Variants in SESTD1 observed in about 807,000 individuals in gnomAD.
SESTD1 encodes SEC14 and spectrin domain containing 1.
Under a neutral mutation model 101.7 loss-of-function variants are expected in SESTD1, and 43 were observed. That is an observed-to-expected ratio of 0.42 (90% confidence interval 0.33 to 0.55). The LOEUF is 0.55. Among genes scored for constraint, SESTD1 ranks in the 20% least tolerant of loss-of-function variants. The pLI is 0.07. For missense variants in SESTD1, 647 were observed against 815.1 expected, an observed-to-expected ratio of 0.79 and a Z score of 2.51; for synonymous variants, 283 against 286.8, an observed-to-expected ratio of 0.99 and a Z score of 0.13.
intron 10 of SESTD1, among the ~76,000 whole-genome samples, chr2:179,129,509 G>T (rs143231406): frequency 7.2e-5 from 11 of 151,800 alleles, no homozygotes; most frequent in Non-Finnish European, 1.6e-4. Context: ...ACAAATTTGG[G>T]GTTTTTAGCT....
At chr2:179,150,826 GA>G (rs11351362) in intron 6 of SESTD1, among the ~76,000 whole-genome samples, 19,018 of 145,212 alleles carry the variant, frequency 0.13, 2,109 homozygotes, top group African/African-American at 0.3. Context: ...TCAAAAAAAA[GA>G]AAAAAAAAAA....
At chr2:179,150,826 GAA>G (rs11351362) in intron 6 of SESTD1, among the ~76,000 whole-genome samples, 28 of 145,214 alleles carry the variant, frequency 1.9e-4, no homozygotes, top group Admixed American at 6.2e-4. Context: ...TCAAAAAAAA[GAA>G]AAAAAAAAAT....
chr2:179,147,699 C>A (rs1258918208), intron 7 of SESTD1, among the ~76,000 whole-genome samples: 1 of 152,176 alleles, frequency 6.6e-6, no homozygotes, highest in South Asian at 2.1e-4. Flanking sequence ...AAATAGGTTT[C>A]TTTGCTGCAC....
In SESTD1 at chr2:179,174,225, T is replaced by C. The variant is rs986595306; in HGVS notation, c.256-1992A>G. Reference sequence around the variant, plus strand: ...GCACTGTGGGGTCCCAAACAGCTGGTCCCAGTACCTTCGGAGATGAAAGCA... The same window carrying C: ...GCACTGTGGGGTCCCAAACAGCTGGCCCCAGTACCTTCGGAGATGAAAGCA... On this transcript the variant is annotated intron_variant, in intron 4 of 17. Transcript: ENST00000428443. 3.3e-5 allele frequency among the ~76,000 whole-genome samples: 5 copies of C among 152,178 alleles called. No homozygotes were observed. The South Asian group carries it at 8.3e-4, about 25-fold the overall frequency.
chr2:179,214,199 A>C (rs2046687804), intron 1 of SESTD1, among the ~76,000 whole-genome samples: 3 of 134,824 alleles, frequency 2.2e-5, no homozygotes, highest in Admixed American at 2.2e-4. Flanking sequence ...TTGGATAAAG[A>C]GTCAAGACCC....
intron 16 of SESTD1, 76 bp from the exon 17 acceptor site, chr2:179,112,921 C>A: frequency 1.8e-5 from 25 of 1,403,282 alleles, no homozygotes; most frequent in South Asian, 4.6e-5. Flanking sequence ...CCCCACCCCA[C>A]AAAAAAAAAG....
intron 13 of SESTD1, 100 bp downstream of exon 13, chr2:179,121,670 C>T: frequency 1.0e-6 from 1 of 998,958 alleles, no homozygotes; most frequent in Non-Finnish European, 1.4e-6. Context: ...TTCTATATAA[C>T]AGTTAAGAAC....
At chr2:179,177,231 G>T (rs756200733) in intron 3 of SESTD1, among the ~76,000 whole-genome samples, 2 of 152,084 alleles carry the variant, frequency 1.3e-5, no homozygotes, top group African/African-American at 4.8e-5. Context: ...CTAGTAAAAC[G>T]CAACAACTTC....
intron 12 of SESTD1, among the ~76,000 whole-genome samples, 184 bp downstream of exon 12, chr2:179,123,531 G>GA (rs1461137601): frequency 1.3e-5 from 2 of 151,950 alleles, no homozygotes; most frequent in Non-Finnish European, 2.9e-5. Flanking sequence ...AACTAACGAT[G>GA]AAAAATAAAA....
chr2:179,130,761 A>G (rs2044993681), intron 10 of SESTD1, among the ~76,000 whole-genome samples: 1 of 152,096 alleles, frequency 6.6e-6, no homozygotes, highest in South Asian at 2.1e-4. Context: ...GAGTAAATAC[A>G]GTTTTTTAGG....
chr2:179,183,741 G>T (rs1379193004), intron 2 of SESTD1, among the ~76,000 whole-genome samples: 1 of 151,868 alleles, frequency 6.6e-6, no homozygotes, highest in Non-Finnish European at 1.5e-5. Context: ...TACTCAGGAG[G>T]CTGAGGGCGA....
intron 1 of SESTD1, among the ~76,000 whole-genome samples, chr2:179,196,908 C>G (rs1348842341): frequency 6.6e-6 from 1 of 152,228 alleles, no homozygotes; most frequent in Admixed American, 6.5e-5. Flanking sequence ...CGCCTCTCCT[C>G]CTCCAAAGGA....
rs566042152 is a variant in SESTD1 at position 179,155,635 on chromosome 2, A to G, written c.370-4244T>C. 2.0e-5 allele frequency among the ~76,000 whole-genome samples: 3 copies of G among 152,174 alleles called. No individual in the cohort carries two copies. The South Asian group carries it at 6.2e-4, about 32-fold the overall frequency. On this transcript the variant is annotated intron_variant, in intron 5 of 17. Coordinates refer to ENST00000428443, the MANE Select transcript of SESTD1 (RefSeq NM_178123.5). ...TGTCTCAAAAAAAAAACAAAACGTAAGGATGGTCTTTTTGCTCTTCAATTG... is the reference window on the plus strand; with the variant it reads ...TGTCTCAAAAAAAAAACAAAACGTAGGGATGGTCTTTTTGCTCTTCAATTG...
At chr2:179,162,678 T>C (rs1373552557) in intron 5 of SESTD1, among the ~76,000 whole-genome samples, 4 of 151,930 alleles carry the variant, frequency 2.6e-5, no homozygotes, top group Admixed American at 6.6e-5. Context: ...AGTTAACTTG[T>C]AGATTCTGTT....
rs756906894 is a variant in SESTD1, at chr2:179,222,353, C to T, written c.-25-30487G>A. On this transcript the variant is annotated intron_variant, in intron 1 of 17. Transcript: ENST00000428443. ...TGAGCAAATCACTGAACCTAACTCACAGGACTGGGACTTAAGTGAGCAAAT... is the reference window on the plus strand; with the variant it reads ...TGAGCAAATCACTGAACCTAACTCATAGGACTGGGACTTAAGTGAGCAAAT... Among the ~76,000 whole-genome samples the T allele has an allele frequency of 2.6e-5, 4 of 152,166 alleles. No individual in the cohort carries two copies. The South Asian group carries it at 8.3e-4, about 32-fold the overall frequency.
chr2:179,141,795 C>CTT (rs1028981659), intron 9 of SESTD1, among the ~76,000 whole-genome samples: 7 of 152,222 alleles, frequency 4.6e-5, no homozygotes, highest in African/African-American at 1.7e-4. Flanking sequence ...CTCTGCTACT[C>CTT]TATCTTAGTG....
intron 13 of SESTD1, among the ~76,000 whole-genome samples, chr2:179,119,388 A>C (rs2044700086): frequency 6.6e-6 from 1 of 152,192 alleles, no homozygotes; most frequent in Admixed American, 6.5e-5. Context: ...TTAAAAAAGG[A>C]GAGCAAGTTT....
intron 5 of SESTD1, among the ~76,000 whole-genome samples, chr2:179,161,660 C>CAA (rs760559881): frequency 2.6e-5 from 2 of 77,640 alleles, no homozygotes; most frequent in Admixed American, 1.4e-4. Flanking sequence ...GACTCCGTCT[C>CAA]AAAAAAAAAA....
Position 179,207,908 on chromosome 2 carries a change from A to G in SESTD1, c.-25-16042T>C, listed in dbSNP as rs764379469. Among the ~76,000 whole-genome samples the G allele has an allele frequency of 4.4e-5, 6 of 135,210 alleles. 2 individuals carry two copies. Among genetic ancestry groups the G allele is most frequent in the Non-Finnish European group, 9.5e-5 (6 of 62,910 alleles). 88.7% of individuals were successfully genotyped at this position (135,210 alleles called of 152,430 possible). A position where few individuals can be genotyped will look rare whatever the true frequency, so the allele number is the denominator to read the frequency against. ...CTGAATTGCCAGATAAAGAATCAGA[A>G]GGTTGATTATTAAGCTATTCAAGGA... On this transcript the variant is annotated intron_variant, in intron 1 of 17. Coordinates refer to ENST00000428443, the MANE Select transcript of SESTD1 (RefSeq NM_178123.5).
Sources: gnomAD v4.1 joint callset for allele counts (sites outside exome capture counted in the v4.1 genomes callset) on GRCh38, gnomAD v4.1.1 for gene constraint, MANE v1.5 for transcripts, NCBI Gene and HGNC (gene_info 2026-07-23, HGNC 2026-07-21) for gene names.